The following ASAP1 variants were observed in gnomAD, a reference collection of about 807,000 sequenced individuals.
ASAP1 encodes the protein arf-GAP with SH3 domain, ANK repeat and PH domain-containing protein 1.
ASAP1 carries 43 observed loss-of-function variants against 145.2 expected under a neutral mutation model. The observed-to-expected ratio is 0.30, with a 90% CI of 0.23 to 0.38. ASAP1 has a LOEUF of 0.38. Ranked by LOEUF, ASAP1 falls within the 10% of genes least tolerant of loss-of-function variation. The probability of loss-of-function intolerance (pLI) is 1.00; values close to 1 mark genes in which losing one functional copy is unlikely to be tolerated. For synonymous variants in ASAP1, 546 were observed against 515.5 expected (o/e 1.06, Z -0.80); for missense variants, 1,018 against 1,355.3 (o/e 0.75, Z 3.91).
chr8:130,310,138 T>TTG (rs1554879367), intron 3 of ASAP1, among the ~76,000 whole-genome samples: 23 of 54,250 alleles, frequency 4.2e-4, no homozygotes, highest in African/African-American at 1.6e-3. Context: ...CAGTTTTTTT[T>TTG]GGGGGGGGGA....
chr8:130,424,885 C>G (rs996552071), intron 1 of ASAP1, among the ~76,000 whole-genome samples: 15 of 151,670 alleles, frequency 9.9e-5, no homozygotes, highest in African/African-American at 3.6e-4. Context: ...TCCAGCTACT[C>G]GGGAGGCTGA....
intron 3 of ASAP1, among the ~76,000 whole-genome samples, chr8:130,247,690 C>T (rs1818933507): frequency 6.6e-6 from 1 of 152,134 alleles, no homozygotes; most frequent in African/African-American, 2.4e-5. Context: ...GGGGTTGTGC[C>T]ACCCAAGCAG....
At chr8:130,347,274 A>G (rs902893199) in intron 3 of ASAP1, among the ~76,000 whole-genome samples, 11 of 152,246 alleles carry the variant, frequency 7.2e-5, no homozygotes, top group African/African-American at 2.7e-4. Flanking sequence ...CAGCAAAGCT[A>G]AAACTAGGCA....
At chr8:130,060,496 G>A (rs1438731103) in intron 28 of ASAP1, 83 bp downstream of exon 28, 41 of 1,495,840 alleles carry the variant, frequency 2.7e-5, no homozygotes, top group Non-Finnish European at 7.2e-6. Flanking sequence ...ACTTTTTCTT[G>A]TGTAAGTTGG....
chr8:130,386,995 A>G (rs1212045189), intron 2 of ASAP1: 1 of 152,228 alleles, frequency 6.6e-6, no homozygotes, highest in Non-Finnish European at 1.5e-5. Context: ...TTGTGGCACT[A>G]TGGTGACTCA....
At chr8:130,433,838 G>A (rs553265113) in intron 1 of ASAP1, among the ~76,000 whole-genome samples, 1 of 152,156 alleles carries the variant, frequency 6.6e-6, no homozygotes, top group South Asian at 2.1e-4. Context: ...AACTGTGAGA[G>A]TTTTCACAAT....
chr8:130,075,786 C>T (rs1369965480), intron 27 of ASAP1, among the ~76,000 whole-genome samples: 6 of 152,150 alleles, frequency 3.9e-5, no homozygotes, highest in Non-Finnish European at 8.8e-5. Context: ...GGCAAAAAAA[C>T]AGTATTTATA....
chr8:130,214,351 G>A (rs919277217), intron 5 of ASAP1, among the ~76,000 whole-genome samples: 5 of 152,098 alleles, frequency 3.3e-5, no homozygotes, highest in African/African-American at 9.7e-5. Context: ...ATTTCACAAT[G>A]GGATTTTCTT....
chr8:130,214,417 G>A (rs1080370), intron 5 of ASAP1, 139 bp downstream of exon 5: 2 of 748,720 alleles, frequency 2.7e-6, no homozygotes, highest in East Asian at 6.6e-5. Context: ...AAGTTACCTA[G>A]GACTAAAAAG....
intron 27 of ASAP1, among the ~76,000 whole-genome samples, chr8:130,071,619 C>T (rs566692027): frequency 5.3e-5 from 8 of 152,214 alleles, no homozygotes; most frequent in Non-Finnish European, 7.4e-5. Context: ...AATAAATGGG[C>T]AAATGAGACA....
intron 3 of ASAP1, among the ~76,000 whole-genome samples, chr8:130,255,485 A>G (rs989274732): frequency 1.3e-5 from 2 of 152,132 alleles, no homozygotes; most frequent in African/African-American, 4.8e-5. Flanking sequence ...GTGCATGGCT[A>G]CTTCAGCAGT....
chr8:130,056,400 T>A (rs1337306841), intron 29 of ASAP1, among the ~76,000 whole-genome samples: 1 of 152,200 alleles, frequency 6.6e-6, no homozygotes, highest in Non-Finnish European at 1.5e-5. Context: ...TCAACCATGG[T>A]GCTACTGGCA....
chr8:130,426,067 C>T (rs78645972), intron 1 of ASAP1, among the ~76,000 whole-genome samples: 63 of 152,260 alleles, frequency 4.1e-4, no homozygotes, highest in Admixed American at 2.0e-3. Context: ...TTCCCAGTGT[C>T]GGAGGAGGGG....
intron 23 of ASAP1, among the ~76,000 whole-genome samples, chr8:130,115,249 A>G (rs1454968969): frequency 2.6e-5 from 4 of 152,190 alleles, no homozygotes; most frequent in African/African-American, 9.7e-5. Context: ...CCTTAAAAAG[A>G]CTGAGGTCCC....
intron 3 of ASAP1, among the ~76,000 whole-genome samples, chr8:130,334,756 A>G (rs1458072857): frequency 2.0e-5 from 3 of 152,204 alleles, no homozygotes; most frequent in Non-Finnish European, 4.4e-5. Flanking sequence ...ATACTACAAC[A>G]TCAACAAAAA....
chr8:130,059,051 C>G (rs924876605), intron 28 of ASAP1, among the ~76,000 whole-genome samples: 1 of 152,168 alleles, frequency 6.6e-6, no homozygotes, highest in South Asian at 2.1e-4. Flanking sequence ...GGAGAGTTCC[C>G]TTTTGAATAG....
chr8:130,108,924 C>T lies in ASAP1; in HGVS notation c.2401+3170G>A, dbSNP rs374332893. On this transcript the variant is annotated intron_variant, in intron 24 of 29. Coordinates refer to ENST00000518721, the MANE Select transcript of ASAP1 (RefSeq NM_018482.4). ...CCGAGTAGCTGGGATTACAGGCAGGCGCCACTACGCCCGGCTCATTTTGTA... is the reference window on the plus strand; with the variant it reads ...CCGAGTAGCTGGGATTACAGGCAGGTGCCACTACGCCCGGCTCATTTTGTA... Among the ~76,000 whole-genome samples the T allele has an allele frequency of 1.4e-4, 22 of 151,760 alleles. No homozygotes were observed. In the East Asian group the frequency reaches 3.3e-3, roughly 23 times the overall value.
intron 3 of ASAP1, among the ~76,000 whole-genome samples, chr8:130,270,250 C>T (rs1248218542): frequency 6.6e-6 from 1 of 152,178 alleles, no homozygotes; most frequent in Non-Finnish European, 1.5e-5. Context: ...TCACTTTGGG[C>T]CCATGTTTCC....
At chr8:130,410,429 T>C (rs1000664910) in intron 1 of ASAP1, among the ~76,000 whole-genome samples, 1 of 151,602 alleles carries the variant, frequency 6.6e-6, no homozygotes, top group Non-Finnish European at 1.5e-5. Context: ...AGTTCTCAAG[T>C]TTATTCTATA....
Sources: gnomAD v4.1 joint callset for allele counts (sites outside exome capture counted in the v4.1 genomes callset) on GRCh38, gnomAD v4.1.1 for gene constraint, MANE v1.5 for transcripts, NCBI Gene and HGNC (gene_info 2026-07-23, HGNC 2026-07-21) for gene names.